The following PAK5 variants were observed in gnomAD, a reference collection of about 807,000 sequenced individuals.
PAK5 encodes p21 (RAC1) activated kinase 5.
Under a neutral mutation model 65.9 loss-of-function variants are expected in PAK5, and 16 were observed. The ratio of observed to expected loss-of-function variants is 0.24; its 90% CI spans 0.16 to 0.37. The LOEUF (loss-of-function observed/expected upper bound fraction) is 0.37. Ranked by LOEUF, PAK5 falls within the 10% of genes least tolerant of loss-of-function variation. The pLI is 1.00. For synonymous variants in PAK5, 371 were observed against 354.9 expected (o/e 1.05, Z -0.51); for missense variants, 785 against 903.9 (o/e 0.87, Z 1.69).
intron 7 of PAK5, among the ~76,000 whole-genome samples, chr20:9,548,904 G>A (rs571420999): frequency 3.9e-5 from 6 of 152,214 alleles, no homozygotes; most frequent in South Asian, 2.1e-4. Flanking sequence ...GTGGTGGTAC[G>A]ATTTGAATTG....
At position 9,629,945 on chromosome 20, in the gene PAK5, G is replaced by A. The variant is rs566599145; in HGVS notation, c.204+14180C>T. Among the ~76,000 whole-genome samples, 5 of 152,246 alleles carry A rather than the reference G, an allele frequency of 3.3e-5. No homozygotes were observed. In the East Asian group the frequency reaches 7.7e-4, roughly 24 times the overall value. The stretch of plus-strand genomic sequence containing the variant: ...GGCTCAGAAGTGAGGAACACTAATC[G>A]GAAACTGAAGGAAGGAGAAGGGAGA... On this transcript the variant is annotated intron_variant, in intron 3 of 9. Coordinates refer to ENST00000353224, the MANE Select transcript of PAK5 (RefSeq NM_177990.4).
chr20:9,747,356 A>G (rs1278467355), intron 1 of PAK5, among the ~76,000 whole-genome samples: 2 of 152,058 alleles, frequency 1.3e-5, no homozygotes, highest in Non-Finnish European at 2.9e-5. Context: ...TCATCCTGAT[A>G]CCAAAGCCGG....
chr20:9,838,426 G>A lies in PAK5; in HGVS notation c.-162+336C>T, dbSNP rs964700802. Among the ~76,000 whole-genome samples the A allele has an allele frequency of 1.3e-5, 2 of 152,088 alleles. No homozygotes were observed. The highest frequency in any genetic ancestry group is 2.1e-4 in the South Asian group (1 of 4,830). On this transcript the variant is annotated intron_variant, in intron 1 of 9. Coordinates refer to ENST00000353224, the MANE Select transcript of PAK5 (RefSeq NM_177990.4). This position sits in a 1 kb window ranked among gnomAD's most constrained non-coding sequence, Gnocchi z 4.5. Reference sequence around the variant, plus strand: ...GGTGCTGGGCTTGCGAGCAGTTCGGGGTACCAGCACGCTCTCAGGGCTGGA... The same window carrying A: ...GGTGCTGGGCTTGCGAGCAGTTCGGAGTACCAGCACGCTCTCAGGGCTGGA...
intron 5 of PAK5, among the ~76,000 whole-genome samples, chr20:9,564,191 G>T (rs942664888): frequency 7.2e-5 from 11 of 152,174 alleles, no homozygotes; most frequent in Admixed American, 3.3e-4. Flanking sequence ...ATTACTAAAA[G>T]AATATTACTC....
chr20:9,684,221 G>C (rs114311290), intron 2 of PAK5, among the ~76,000 whole-genome samples: 1 of 152,304 alleles, frequency 6.6e-6, no homozygotes, highest in African/African-American at 2.4e-5. Flanking sequence ...TGACTCTCTG[G>C]AAATAAACTG....
chr20:9,740,477 T>C (rs1461001647), intron 1 of PAK5, among the ~76,000 whole-genome samples: 1 of 152,206 alleles, frequency 6.6e-6, no homozygotes, highest in East Asian at 1.9e-4. Flanking sequence ...CCATGTAACA[T>C]TGCAGTGGCT....
chr20:9,714,268 G>A (rs966877283), intron 1 of PAK5, among the ~76,000 whole-genome samples: 14 of 152,042 alleles, frequency 9.2e-5, no homozygotes, highest in Middle Eastern at 6.8e-3. Flanking sequence ...TTAATAGTTC[G>A]CCTTGTCTAT....
chr20:9,610,674 T>G (rs952955446), intron 3 of PAK5, among the ~76,000 whole-genome samples: 2 of 152,232 alleles, frequency 1.3e-5, no homozygotes, highest in African/African-American at 4.8e-5. Context: ...CGCTTGGATT[T>G]CTTTAACTGT....
chr20:9,611,377 C>A (rs148534699), intron 3 of PAK5, among the ~76,000 whole-genome samples: 3 of 152,260 alleles, frequency 2.0e-5, no homozygotes, highest in Admixed American at 6.5e-5. Context: ...AAGGGGATAA[C>A]GGCCTTATTA....
chr20:9,568,225 C>T (rs2045716246), intron 4 of PAK5, among the ~76,000 whole-genome samples: 3 of 152,074 alleles, frequency 2.0e-5, no homozygotes, highest in African/African-American at 7.2e-5. Context: ...ACTTTGGTGG[C>T]AAGAGTGGAA....
chr20:9,741,122 A>G lies in PAK5; in HGVS notation c.-161-29687T>C, dbSNP rs1483070421. Among the ~76,000 whole-genome samples the G allele has an allele frequency of 4.6e-5, 7 of 152,238 alleles. No individual in the cohort carries two copies. In the East Asian group the frequency reaches 1.2e-3, roughly 25 times the overall value. On this transcript the variant is annotated intron_variant, in intron 1 of 9. Transcript: ENST00000353224. Reference sequence around the variant, plus strand: ...ATCTGCTGGACAATTATAATTTACAAGATTTGTGCACTTTACTTTTTAAAT... The same window carrying G: ...ATCTGCTGGACAATTATAATTTACAGGATTTGTGCACTTTACTTTTTAAAT...
At chr20:9,768,836 A>G (rs1016306972) in intron 1 of PAK5, among the ~76,000 whole-genome samples, 31 of 147,960 alleles carry the variant, frequency 2.1e-4, no homozygotes, top group Non-Finnish European at 3.4e-4. Flanking sequence ...AAAAAAAACC[A>G]TAAAGAAAAC....
chr20:9,639,949 T>C (rs2047029884), intron 3 of PAK5, among the ~76,000 whole-genome samples: 1 of 152,232 alleles, frequency 6.6e-6, no homozygotes, highest in Admixed American at 6.5e-5. Context: ...TGCTAGGTTG[T>C]GGACAAGTGA....
At position 9,807,762 on chromosome 20, in the gene PAK5, A is replaced by AAATAATAATAATAATAATAATAAT. The variant is rs71184158; in HGVS notation, c.-162+30976_-162+30999dup. Among the ~76,000 whole-genome samples, 270 of 142,332 alleles carry AAATAATAATAATAATAATAATAAT rather than the reference A, an allele frequency of 1.9e-3. 1 individual carries two copies. The highest frequency in any genetic ancestry group is 7.2e-3 in the Middle Eastern group (2 of 278). The allele number at this position is 142,332 out of a possible 152,430, so 93.4% of individuals were successfully genotyped here. On this transcript the variant is annotated intron_variant, in intron 1 of 9. Coordinates refer to ENST00000353224, the MANE Select transcript of PAK5 (RefSeq NM_177990.4). ...TAACGACTCCCTTCCAGCAAAAAAT[A>AAATAATAATAATAATAATAATAAT]AATAATAATAATAATAATAATAATA...
chr20:9,669,324 T>C (rs193145515), intron 2 of PAK5, among the ~76,000 whole-genome samples: 4 of 152,318 alleles, frequency 2.6e-5, no homozygotes, highest in Middle Eastern at 3.4e-3. Context: ...CACATGACAG[T>C]GTTACATATA....
intron 1 of PAK5, among the ~76,000 whole-genome samples, chr20:9,747,913 A>G (rs1465964411): frequency 2.0e-5 from 3 of 152,056 alleles, no homozygotes; most frequent in East Asian, 3.9e-4. Context: ...TTTGCAGATG[A>G]CATGATTGTA....
intron 1 of PAK5, among the ~76,000 whole-genome samples, chr20:9,721,615 T>C (rs1600286914): frequency 8.2e-6 from 1 of 122,548 alleles, no homozygotes; most frequent in South Asian, 2.6e-4. Context: ...AACGCACCAC[T>C]GCACTCCTAG....
chr20:9,572,953 C>T (rs1293698720), intron 4 of PAK5, among the ~76,000 whole-genome samples: 2 of 152,174 alleles, frequency 1.3e-5, no homozygotes, highest in Non-Finnish European at 2.9e-5. Context: ...CAAATTATCA[C>T]CCAGGCTGCT....
chr20:9,753,919 C>T (rs1185253127), intron 1 of PAK5, among the ~76,000 whole-genome samples: 1 of 152,116 alleles, frequency 6.6e-6, no homozygotes, highest in African/African-American at 2.4e-5. Context: ...TCTCCTCCTG[C>T]CTATCCAGTT....
Sources: allele counts gnomAD v4.1 joint callset (sites outside exome capture counted in the v4.1 genomes callset), GRCh38; gene constraint gnomAD v4.1.1; non-coding constraint Gnocchi (gnomAD v3.1); transcripts MANE v1.5; gene names NCBI Gene and HGNC (gene_info 2026-07-23, HGNC 2026-07-21).